TTLL5: variants seen among roughly 807,000 people sequenced by gnomAD.
TTLL5 encodes the protein tubulin tyrosine ligase like 5.
TTLL5 carries 132 observed loss-of-function variants against 168.4 expected under a neutral mutation model. The observed-to-expected ratio is 0.78, with a 90% CI of 0.68 to 0.91. TTLL5 has a LOEUF of 0.91. Ranked by LOEUF, TTLL5 falls within the 40% of genes least tolerant of loss-of-function variation. The pLI is 0.00. For synonymous variants in TTLL5, 546 were observed against 558.6 expected, an observed-to-expected ratio of 0.98 and a Z score of 0.32; for missense variants, 1,545 against 1,581.5, an observed-to-expected ratio of 0.98 and a Z score of 0.39.
intron 29 of TTLL5, among the ~76,000 whole-genome samples, chr14:75,880,203 T>G (rs964570421): frequency 1.3e-5 from 2 of 152,022 alleles, no homozygotes; most frequent in Non-Finnish European, 2.9e-5. Flanking sequence ...TGTATTCTTT[T>G]TAAAAAAAAC....
intron 4 of TTLL5, among the ~76,000 whole-genome samples, chr14:75,682,444 C>T (rs923202527): frequency 1.3e-5 from 2 of 152,136 alleles, no homozygotes; most frequent in Non-Finnish European, 2.9e-5. Flanking sequence ...CAAGGCACTG[C>T]CATGGGCGTG....
At chr14:75,821,770 A>C (rs1447966005) in intron 28 of TTLL5, among the ~76,000 whole-genome samples, 1 of 152,130 alleles carries the variant, frequency 6.6e-6, no homozygotes, top group African/African-American at 2.4e-5. Flanking sequence ...CAGACTGCCC[A>C]CGAGGCTGCG....
At chr14:75,724,998 G>T (rs1197247130) in intron 12 of TTLL5, among the ~76,000 whole-genome samples, 1 of 152,214 alleles carries the variant, frequency 6.6e-6, no homozygotes, top group African/African-American at 2.4e-5. Flanking sequence ...CATGGCTGAA[G>T]TCATGGGTTG....
intron 23 of TTLL5, 111 bp from the exon 24 acceptor site, chr14:75,779,464 G>T: frequency 2.0e-6 from 3 of 1,483,452 alleles, no homozygotes; most frequent in South Asian, 1.3e-5. Context: ...TTTTCAGCTT[G>T]TGCTTTTCAT....
intron 30 of TTLL5, among the ~76,000 whole-genome samples, chr14:75,887,458 T>C (rs1489560405): frequency 6.6e-6 from 1 of 152,226 alleles, no homozygotes; most frequent in East Asian, 1.9e-4. Context: ...ATGTGCAGTT[T>C]CAAGAAACAT....
intron 3 of TTLL5, among the ~76,000 whole-genome samples, chr14:75,680,615 ATT>A (rs35254410): frequency 3.1e-4 from 32 of 101,976 alleles, no homozygotes; most frequent in Non-Finnish European, 3.8e-4. Context: ...TAGAGCAGGG[ATT>A]TTTTTTTTTT....
intron 31 of TTLL5, among the ~76,000 whole-genome samples, chr14:75,944,120 C>T (rs1448722691): frequency 6.6e-6 from 1 of 152,160 alleles, no homozygotes. Context: ...TCTTCTTCTG[C>T]CTTATGCCCC....
At chr14:75,727,367 A>G (rs1299531498) in intron 12 of TTLL5, among the ~76,000 whole-genome samples, 1 of 152,248 alleles carries the variant, frequency 6.6e-6, no homozygotes, top group African/African-American at 2.4e-5. Flanking sequence ...AGAGAAAGGA[A>G]CGAACTATAT....
At chr14:75,724,436 C>A (rs1324691490) in intron 12 of TTLL5, among the ~76,000 whole-genome samples, 1 of 151,938 alleles carries the variant, frequency 6.6e-6, no homozygotes, top group Non-Finnish European at 1.5e-5. Flanking sequence ...ATATATATAC[C>A]TCCATTGCAC....
At chr14:75,703,076 C>G (rs933155517) in intron 7 of TTLL5, among the ~76,000 whole-genome samples, 1 of 152,194 alleles carries the variant, frequency 6.6e-6, no homozygotes, top group South Asian at 2.1e-4. Context: ...CATTAGCCAA[C>G]TGGATGAAGT....
At chr14:75,771,335 A>G (rs1237991887) in intron 20 of TTLL5, among the ~76,000 whole-genome samples, 1 of 152,172 alleles carries the variant, frequency 6.6e-6, no homozygotes, top group Non-Finnish European at 1.5e-5. Flanking sequence ...GCTGAGGCAC[A>G]AGAATCACGT....
intron 23 of TTLL5, 41 bp downstream of exon 23, chr14:75,776,891 T>G: frequency 6.8e-7 from 1 of 1,473,224 alleles, no homozygotes; most frequent in South Asian, 1.2e-5. Flanking sequence ...TCTTATTCCA[T>G]CTTCCATAAT....
intron 31 of TTLL5, among the ~76,000 whole-genome samples, chr14:75,909,984 C>T (rs2033304819): frequency 6.6e-6 from 1 of 152,196 alleles, no homozygotes; most frequent in Non-Finnish European, 1.5e-5. Flanking sequence ...AGGAAGAAGA[C>T]AGCCTGGCTT....
chr14:75,720,457 C>G, intron 11 of TTLL5, 139 bp from the exon 12 acceptor site: 1 of 654,418 alleles, frequency 1.5e-6, no homozygotes, highest in South Asian at 1.8e-5. Context: ...GCCTCTATAG[C>G]ACCCATTCAG....
chr14:75,936,761 A>G (rs2034444971), intron 31 of TTLL5, among the ~76,000 whole-genome samples: 1 of 152,170 alleles, frequency 6.6e-6, no homozygotes, highest in South Asian at 2.1e-4. Flanking sequence ...AACTTTTGTG[A>G]TCAAGAGGAT....
chr14:75,864,397 T>A (rs2030327528), intron 29 of TTLL5, among the ~76,000 whole-genome samples: 1 of 152,228 alleles, frequency 6.6e-6, no homozygotes, highest in Admixed American at 6.5e-5. Context: ...AACAAATGTT[T>A]ACTGTGATTC....
rs557436682 is a variant in TTLL5, at chr14:75,818,290, G to A, written c.3172-1717G>A. The stretch of plus-strand genomic sequence containing the variant: ...ATATAGATAAGGAAGAAAATAAGTT[G>A]TAATTCAGAAATAAATGCTACTTAT... On this transcript the variant is annotated intron_variant, in intron 27 of 31. Coordinates refer to ENST00000298832, the MANE Select transcript of TTLL5 (RefSeq NM_015072.5). 3.9e-5 allele frequency among the ~76,000 whole-genome samples: 6 copies of A among 152,114 alleles called. No homozygotes were observed. The East Asian group carries it at 7.7e-4, about 20-fold the overall frequency.
intron 28 of TTLL5, among the ~76,000 whole-genome samples, chr14:75,844,987 A>G (rs983630864): frequency 2.0e-5 from 3 of 152,106 alleles, no homozygotes; most frequent in African/African-American, 4.8e-5. Context: ...TGGCTTTCCT[A>G]TTGTTCCCTG....
chr14:75,905,249 C>T (rs893444773), intron 31 of TTLL5, among the ~76,000 whole-genome samples: 6 of 152,188 alleles, frequency 3.9e-5, no homozygotes, highest in Non-Finnish European at 7.3e-5. Flanking sequence ...TAATTCAATC[C>T]GTTAAACATG....
Sources: gnomAD v4.1 joint callset for allele counts (sites outside exome capture counted in the v4.1 genomes callset) on GRCh38, gnomAD v4.1.1 for gene constraint, MANE v1.5 for transcripts, NCBI Gene and HGNC (gene_info 2026-07-23, HGNC 2026-07-21) for gene names.